The following ZC3H13 variants were observed in gnomAD, a reference collection of about 807,000 sequenced individuals.
The protein encoded by ZC3H13 is zinc finger CCCH domain-containing protein 13.
In ZC3H13, 64 loss-of-function variants were observed where a neutral mutation model predicts 204.1. The observed-to-expected ratio is 0.31, with a 90% CI of 0.26 to 0.39. The LOEUF is 0.39. Among genes scored for constraint, ZC3H13 ranks in the 10% least tolerant of loss-of-function variants. The probability of loss-of-function intolerance (pLI) is 1.00; values close to 1 mark genes in which losing one functional copy is unlikely to be tolerated. For synonymous variants in ZC3H13, 667 were observed against 693.7 expected, an observed-to-expected ratio of 0.96 and a Z score of 0.60; for missense variants, 1,833 against 2,082.7, an observed-to-expected ratio of 0.88 and a Z score of 2.33.
intron 5 of ZC3H13, among the ~76,000 whole-genome samples, chr13:46,012,213 T>G (rs2041612039): frequency 6.6e-6 from 1 of 152,192 alleles, no homozygotes; most frequent in Non-Finnish European, 1.5e-5. Context: ...TATTTTCTGA[T>G]GAAAAGCTAT....
At chr13:46,027,098 G>A (rs374713802) in intron 4 of ZC3H13, among the ~76,000 whole-genome samples, 2 of 152,030 alleles carry the variant, frequency 1.3e-5, no homozygotes, top group South Asian at 4.1e-4. Flanking sequence ...AAACTATGAG[G>A]TGTTTTTTAT....
intron 9 of ZC3H13, among the ~76,000 whole-genome samples, chr13:45,986,044 C>T (rs370267769): frequency 1.3e-5 from 2 of 152,298 alleles, no homozygotes; most frequent in South Asian, 4.1e-4. Context: ...AAGTTCATCT[C>T]CTATCATTGA....
chr13:46,038,875 A>G (rs1307804386), intron 4 of ZC3H13, among the ~76,000 whole-genome samples: 2 of 152,162 alleles, frequency 1.3e-5, no homozygotes, highest in African/African-American at 4.8e-5. Context: ...ACAAAAAATT[A>G]GCCAGGCGTG....
chr13:46,028,296 T>C lies in ZC3H13; in HGVS notation c.340-7739A>G, dbSNP rs188855099. Among the ~76,000 whole-genome samples the C allele has an allele frequency of 6.9e-4, 105 of 152,284 alleles. 2 individuals carry two copies. The highest frequency in any genetic ancestry group is 3.4e-3 in the Middle Eastern group (1 of 294). ...AAATACATAACAATTCTTATGTGTA[T>C]GACCCTACCATCAAAGCATCAAAAT... On this transcript the variant is annotated intron_variant, in intron 4 of 18. Transcript: ENST00000679008.
intron 1 of ZC3H13, among the ~76,000 whole-genome samples, chr13:46,046,967 T>A (rs2044014663): frequency 6.6e-6 from 1 of 152,176 alleles, no homozygotes; most frequent in African/African-American, 2.4e-5. Context: ...TGAAATCTTA[T>A]CAATCATCAA....
intron 8 of ZC3H13, among the ~76,000 whole-genome samples, chr13:45,999,015 A>G (rs1416984384): frequency 6.6e-6 from 1 of 152,220 alleles, no homozygotes; most frequent in East Asian, 1.9e-4. Flanking sequence ...CCAAGGCAGG[A>G]TTACTTGAGT....
chr13:46,044,949 G>A lies in ZC3H13; in HGVS notation c.227+6C>T, dbSNP rs1188901846. 1 of 1,603,306 alleles carries A rather than the reference G, an allele frequency of 6.2e-7. No homozygotes were observed. The highest frequency in any genetic ancestry group is 1.7e-5 in the Admixed American group (1 of 58,808). On this transcript the variant is annotated splice_donor_region_variant and intron_variant, in intron 3 of 18. Transcript: ENST00000679008. ...GTACATGAACAATACAAAGTTCTCA[G>A]TTTACCTTCTATAATTGCTGCTATA...
chr13:46,001,631 T>A (rs2040750828), intron 8 of ZC3H13, among the ~76,000 whole-genome samples: 1 of 152,120 alleles, frequency 6.6e-6, no homozygotes, highest in African/African-American at 2.4e-5. Flanking sequence ...AACACAAATG[T>A]TTTTACCATT....
At chr13:46,039,006 G>A (rs897542449) in intron 4 of ZC3H13, among the ~76,000 whole-genome samples, 2 of 151,982 alleles carry the variant, frequency 1.3e-5, no homozygotes, top group East Asian at 3.9e-4. Context: ...TGGGAGACAG[G>A]GTGAGACTCT....
intron 3 of ZC3H13, among the ~76,000 whole-genome samples, chr13:46,043,898 C>T (rs947674150): frequency 1.3e-5 from 2 of 151,718 alleles, no homozygotes; most frequent in African/African-American, 4.8e-5. Flanking sequence ...AGTATTAAAG[C>T]AAAACATTAA....
intron 8 of ZC3H13, among the ~76,000 whole-genome samples, chr13:45,989,679 C>A (rs756381040): frequency 2.6e-4 from 39 of 152,300 alleles, no homozygotes; most frequent in Admixed American, 4.6e-4. Context: ...GTGGGCAGCA[C>A]AAACTGAGAG....
chr13:45,997,183 C>A (rs1171259825), intron 8 of ZC3H13, among the ~76,000 whole-genome samples: 1 of 152,138 alleles, frequency 6.6e-6, no homozygotes, highest in Non-Finnish European at 1.5e-5. Flanking sequence ...TTGGAAGACA[C>A]TGATGACATT....
At chr13:45,958,854 T>C (rs1951474232) in intron 18 of ZC3H13, among the ~76,000 whole-genome samples, 1 of 151,796 alleles carries the variant, frequency 6.6e-6, no homozygotes, top group African/African-American at 2.4e-5. Context: ...CAGGGTTTCA[T>C]TGTATTAGCC....
intron 5 of ZC3H13, among the ~76,000 whole-genome samples, chr13:46,011,959 T>G (rs1283808774): frequency 6.6e-6 from 1 of 152,222 alleles, no homozygotes; most frequent in African/African-American, 2.4e-5. Flanking sequence ...GATACGCTAC[T>G]AAAATACATC....
intron 4 of ZC3H13, among the ~76,000 whole-genome samples, chr13:46,036,258 A>T (rs896194164): frequency 6.6e-6 from 1 of 152,200 alleles, no homozygotes; most frequent in Admixed American, 6.5e-5. Flanking sequence ...TAGGAGGTAC[A>T]ATTTCCAGAG....
At chr13:46,000,292 A>G (rs1209139269) in intron 8 of ZC3H13, among the ~76,000 whole-genome samples, 1 of 152,200 alleles carries the variant, frequency 6.6e-6, no homozygotes, top group Non-Finnish European at 1.5e-5. Flanking sequence ...ATAAGGCTGT[A>G]TCAACTACAC....
rs771538122 is a variant in ZC3H13, at chr13:45,969,564, G to C, written c.2980C>G (p.Pro994Ala). ...CTTTTCTTTTTCTGTCCTTTTTTTG[G>C]TGAAAATACTTGACCATCTTCAGAT... ...TTSEDGQVFS[P>A]KKGQKKKSIE... is the part of the protein sequence containing the mutation. Residue 994 changes from proline (P) to alanine (A), a missense_variant, in exon 14 of 19, where the codon CCA becomes GCA. Coordinates refer to ENST00000679008, the MANE Select transcript of ZC3H13 (RefSeq NM_001330564.2). 7.5e-6 allele frequency: 12 copies of C among 1,607,532 alleles called. 1 individual carries two copies. The South Asian group carries it at 1.2e-4, about 16-fold the overall frequency.
At position 45,963,827 on chromosome 13, in the gene ZC3H13, G is replaced by A; in HGVS notation, c.4675+15C>T. The A allele has an allele frequency of 6.2e-7, 1 of 1,613,648 alleles. No homozygotes were observed. The highest frequency in any genetic ancestry group is 2.2e-5 in the East Asian group (1 of 44,874). Reference sequence around the variant, plus strand: ...GGTTAACAGACATTATATAGTTAAAGTAAAATGAAACTACCTTTGGGTTTT... The same window carrying A: ...GGTTAACAGACATTATATAGTTAAAATAAAATGAAACTACCTTTGGGTTTT... On this transcript the variant is annotated intron_variant, in intron 17 of 18. Transcript: ENST00000679008.
Position 46,045,449 on chromosome 13 carries a change from G to A in ZC3H13, c.59C>T (p.Thr20Ile), listed in dbSNP as rs1423378088. ...CTCAAATACACTGGGTCTTCGGGATGTGCTATCAGATATAGTCTTGGTATT... is the reference window on the plus strand; with the variant it reads ...CTCAAATACACTGGGTCTTCGGGATATGCTATCAGATATAGTCTTGGTATT... ...VENTKTISDS[T>I]SRRPSVFERL... is the part of the protein sequence containing the mutation. Residue 20 changes from threonine (T) to isoleucine (I), a missense_variant, in exon 2 of 19, where the codon ACA becomes ATA. Physicochemically the swap from Thr to Ile is moderately conservative, Grantham distance 89. Transcript: ENST00000679008. 2 of 1,614,096 alleles carry A rather than the reference G, an allele frequency of 1.2e-6. No homozygotes were observed. The highest frequency in any genetic ancestry group is 1.1e-5 in the South Asian group (1 of 91,086).
Sources: gnomAD v4.1 joint callset for allele counts (sites outside exome capture counted in the v4.1 genomes callset) on GRCh38, gnomAD v4.1.1 for gene constraint, MANE v1.5 for transcripts, NCBI Gene and HGNC (gene_info 2026-07-23, HGNC 2026-07-21) for gene names.